The following SMPX variants were observed in gnomAD, a reference collection of about 807,000 sequenced individuals.
The protein encoded by SMPX is small muscle protein X-linked.
In SMPX, 2 loss-of-function variants were observed where a neutral mutation model predicts 6.3. That is an observed-to-expected ratio of 0.32 (90% CI 0.13 to 0.99). The LOEUF is 0.99. Ranked by LOEUF, SMPX falls within the 50% of genes least tolerant of loss-of-function variation. SMPX has a pLI of 0.49. For missense variants in SMPX, 60 were observed against 66.8 expected, an observed-to-expected ratio of 0.90 and a Z score of 0.36; for synonymous variants, 32 against 24.7, an observed-to-expected ratio of 1.30 and a Z score of -0.88.
chrX:21,755,824 C>T (rs2092832270), intron 1 of SMPX, among the ~76,000 whole-genome samples: 1 of 111,930 alleles, frequency 8.9e-6, no homozygotes, highest in African/African-American at 3.2e-5. Context: ...GTCTTTGTAA[C>T]ATATAGATTT....
intron 4 of SMPX, among the ~76,000 whole-genome samples, chrX:21,736,561 C>A (rs1345827341): frequency 8.9e-6 from 1 of 112,115 alleles, no homozygotes; most frequent in Non-Finnish European, 1.9e-5. Context: ...CGCACAGTAT[C>A]TTGCTCATGG....
chrX:21,739,741 T>C (rs901317364), intron 3 of SMPX, among the ~76,000 whole-genome samples: 3 of 112,396 alleles, frequency 2.7e-5, no homozygotes, highest in Non-Finnish European at 5.6e-5. Flanking sequence ...TCCTCACTTA[T>C]AAATGTTTCC....
chrX:21,748,822 G>A (rs1422955528), intron 2 of SMPX, among the ~76,000 whole-genome samples: 1 of 111,813 alleles, frequency 8.9e-6, no homozygotes, highest in Non-Finnish European at 1.9e-5. Context: ...GTTGAAGGAA[G>A]GCATGTGTGA....
rs373156926 is a variant in SMPX, at chrX:21,713,650, G to A, written c.*15-7256C>T. 2.5e-4 allele frequency among the ~76,000 whole-genome samples: 28 copies of A among 111,322 alleles called. No homozygotes were observed. The South Asian group carries it at 8.8e-3, about 35-fold the overall frequency. On this transcript the variant is annotated intron_variant, in intron 4 of 4. Transcript: ENST00000379494. ...CACGAGAACAACATGAGAAAGACCC[G>A]CCCCCATGATTCGATTATCTCCCAC... is the stretch of plus-strand genomic sequence containing the variant.
chrX:21,710,657 A>G (rs1003519127), intron 4 of SMPX, among the ~76,000 whole-genome samples: 12 of 111,623 alleles, frequency 1.1e-4, no homozygotes, highest in Non-Finnish European at 1.9e-4. Flanking sequence ...TGGAATTCTT[A>G]ACATAACATT....
At chrX:21,741,227 T>C (rs977197547) in intron 3 of SMPX, among the ~76,000 whole-genome samples, 1 of 112,172 alleles carries the variant, frequency 8.9e-6, no homozygotes, top group Non-Finnish European at 1.9e-5. Flanking sequence ...TCAAAAGTCC[T>C]TCTGAGTTTA....
At chrX:21,709,038 TC>T (rs1267055699) in intron 4 of SMPX, among the ~76,000 whole-genome samples, 1 of 112,922 alleles carries the variant, frequency 8.9e-6, no homozygotes, top group Non-Finnish European at 1.9e-5. Context: ...TACCACATTT[TC>T]TTTATTCATA....
chrX:21,721,718 C>T (rs1213060293), intron 4 of SMPX, among the ~76,000 whole-genome samples: 1 of 112,371 alleles, frequency 8.9e-6, no homozygotes, highest in African/African-American at 3.2e-5. Context: ...ATAGATCTAA[C>T]TGTATCCAGC....
rs773032116 is a variant in SMPX, at chrX:21,745,677, G to C, written c.46-1841C>G. ...TAAAAGAGGGGAAAAATCAATATAC[G>C]GACTATTTGGGAAAAAGTTAACCAG... On this transcript the variant is annotated intron_variant, in intron 2 of 4. Coordinates refer to ENST00000379494, the MANE Select transcript of SMPX (RefSeq NM_014332.3). 2.7e-5 allele frequency among the ~76,000 whole-genome samples: 3 copies of C among 111,253 alleles called. No individual in the cohort carries two copies. In the East Asian group the frequency reaches 8.5e-4, roughly 32 times the overall value.
chrX:21,724,417 C>T (rs894562708), intron 4 of SMPX, among the ~76,000 whole-genome samples: 8 of 112,191 alleles, frequency 7.1e-5, no homozygotes, highest in South Asian at 7.4e-4. Context: ...GATTACAGTA[C>T]GACTTTTTAA....
chrX:21,718,980 G>C (rs1336112960), intron 4 of SMPX, among the ~76,000 whole-genome samples: 1 of 112,421 alleles, frequency 8.9e-6, no homozygotes, highest in African/African-American at 3.2e-5. Flanking sequence ...ATAATATTTA[G>C]CACAGTTTTG....
chrX:21,710,441 T>C (rs1478268876), intron 4 of SMPX, among the ~76,000 whole-genome samples: 1 of 111,068 alleles, frequency 9.0e-6, no homozygotes, highest in East Asian at 2.8e-4. Flanking sequence ...AAACAACATA[T>C]TAGGTACAAT....
At chrX:21,733,834 G>T in intron 4 of SMPX, 2 of 307,288 alleles carry the variant, frequency 6.5e-6, no homozygotes, top group Non-Finnish European at 1.2e-5. Context: ...AAGACGTAGT[G>T]CCTAGAGGAT....
At chrX:21,714,173 G>A (rs2092781786) in intron 4 of SMPX, among the ~76,000 whole-genome samples, 1 of 111,783 alleles carries the variant, frequency 8.9e-6, no homozygotes, top group Non-Finnish European at 1.9e-5. Flanking sequence ...CATCAATCAT[G>A]AGATAAGTTG....
At chrX:21,721,904 G>A (rs900696379) in intron 4 of SMPX, among the ~76,000 whole-genome samples, 1 of 111,841 alleles carries the variant, frequency 8.9e-6, no homozygotes, top group African/African-American at 3.3e-5. Flanking sequence ...GCTCACACCT[G>A]TCATTCCAGC....
At chrX:21,719,932 A>G (rs745869926) in intron 4 of SMPX, among the ~76,000 whole-genome samples, 3 of 112,248 alleles carry the variant, frequency 2.7e-5, no homozygotes, top group Non-Finnish European at 5.6e-5. Context: ...GGTAAGGATC[A>G]GGAGGGGTGA....
chrX:21,740,132 G>A (rs986339439), intron 3 of SMPX, among the ~76,000 whole-genome samples: 1 of 111,633 alleles, frequency 9.0e-6, no homozygotes, highest in African/African-American at 3.3e-5. Flanking sequence ...GAAGAAGGGG[G>A]TTAATGGTGC....
At chrX:21,733,323 C>A (rs1259493479) in intron 4 of SMPX, among the ~76,000 whole-genome samples, 1 of 112,205 alleles carries the variant, frequency 8.9e-6, no homozygotes, top group East Asian at 2.8e-4. Context: ...CAAAAGACTT[C>A]TCGATACAAA....
At chrX:21,737,787 T>A in intron 3 of SMPX, 90 bp from the exon 4 acceptor site, 1 of 884,083 alleles carries the variant, frequency 1.1e-6, no homozygotes, top group African/African-American at 1.9e-5. Flanking sequence ...AAAATTAAAG[T>A]AACAATGATG....
Sources: allele counts gnomAD v4.1 joint callset (sites outside exome capture counted in the v4.1 genomes callset), GRCh38; gene constraint gnomAD v4.1.1; transcripts MANE v1.5; gene names NCBI Gene and HGNC (gene_info 2026-07-23, HGNC 2026-07-21).